WAS: variants seen among roughly 807,000 people sequenced by gnomAD.
WAS encodes the protein actin nucleation-promoting factor WAS.
In WAS, 1 loss-of-function variant was observed where a neutral mutation model predicts 38.9. The ratio of observed to expected loss-of-function variants is 0.03; its 90% CI spans 0.01 to 0.12. WAS has a LOEUF of 0.12. WAS is among the 10% of genes least tolerant of loss of function. The pLI is 1.00. For missense variants in WAS, 311 were observed against 431.2 expected (o/e 0.72, Z 2.47); for synonymous variants, 182 against 173.6 (o/e 1.05, Z -0.38).
upstream of WAS, among the ~76,000 whole-genome samples, chrX:48,682,799 G>C (rs1183265064): frequency 9.2e-6 from 1 of 108,998 alleles, no homozygotes; most frequent in Non-Finnish European, 1.9e-5. Context: ...GGAGGCTGAG[G>C]CAGGAGAGTC....
At chrX:48,680,458 G>T (rs1384750399), upstream of WAS, among the ~76,000 whole-genome samples, 2 of 111,263 alleles carry the variant, frequency 1.8e-5, no homozygotes, top group Non-Finnish European at 3.8e-5. Flanking sequence ...TAGGAGGTCA[G>T]CACAAGATAC....
At chrX:48,683,515 A>G (rs782032826), upstream of WAS, among the ~76,000 whole-genome samples, 1 of 111,931 alleles carries the variant, frequency 8.9e-6, no homozygotes, top group Non-Finnish European at 1.9e-5. Context: ...GGAGCCCTGC[A>G]CACAGATGTG....
intron 7 of WAS, among the ~76,000 whole-genome samples, chrX:48,687,271 G>C (rs2062423186): frequency 1.8e-5 from 2 of 111,855 alleles, no homozygotes; most frequent in Admixed American, 9.4e-5. Context: ...ACTCTGGGTG[G>C]GCTGTTAGGA....
chrX:48,685,757 T>C lies in WAS; in HGVS notation c.384T>C (p.Phe128=), dbSNP rs1557006544. The C allele has an allele frequency of 8.5e-7, 1 of 1,180,795 alleles. No homozygotes were observed. Among genetic ancestry groups the C allele is most frequent in the Admixed American group, 2.4e-5 (1 of 41,133 alleles). The change falls in exon 4 of 12, where the codon TTT becomes TTC. Residue 128 remains phenylalanine, a synonymous_variant. Transcript: ENST00000376701. ...AGDDCQAGLN[F]ADEDEAQAFR... Reference sequence around the variant, plus strand: ...AGGACTGCCAAGCGGGGCTGAACTTTGCAGACGAGGACGAGGCCCAGGCCT... The same window carrying C: ...AGGACTGCCAAGCGGGGCTGAACTTCGCAGACGAGGACGAGGCCCAGGCCT...
chrX:48,682,918 A>G (rs1557006030), upstream of WAS, among the ~76,000 whole-genome samples: 1 of 108,941 alleles, frequency 9.2e-6, no homozygotes, highest in East Asian at 2.9e-4. Context: ...AAAAAAAAGT[A>G]TGACAAGCAG....
At chrX:48,679,199 CTT>C (rs1221565707), upstream of WAS, among the ~76,000 whole-genome samples, 8 of 109,572 alleles carry the variant, frequency 7.3e-5, no homozygotes, top group Non-Finnish European at 1.3e-4. Flanking sequence ...TTTTAAAAAA[CTT>C]TTTGTAGAGA....
At chrX:48,691,012 G>T in intron 11 of WAS, 95 bp from the exon 12 acceptor site, 1 of 793,961 alleles carries the variant, frequency 1.3e-6, no homozygotes, top group East Asian at 3.3e-5. Context: ...TCTAGCATGA[G>T]ACCTCAGAAC....
chrX:48,691,263 AC>A lies in WAS; in HGVS notation c.*107del. ...TCCACTCTCCTCTTCCAGGCCCCCA[AC>A]CCCCCATTTCTTCCCCACCAACCCC... On this transcript the variant is annotated 3_prime_UTR_variant, in exon 12 of 12. Transcript: ENST00000376701. 7.4e-6 allele frequency: 6 copies of A among 815,825 alleles called. No homozygotes were observed. The highest frequency in any genetic ancestry group is 1.1e-5 in the Non-Finnish European group (6 of 556,592). 67.2% of individuals were successfully genotyped at this position (815,825 alleles called of 1,213,427 possible).
upstream of WAS, among the ~76,000 whole-genome samples, chrX:48,680,264 C>A (rs1297380198): frequency 9.0e-6 from 1 of 111,534 alleles, no homozygotes; most frequent in Non-Finnish European, 1.9e-5. Context: ...GAAGATGAAT[C>A]TTCCTCCCTC....
intron 1 of WAS, 138 bp from the exon 2 acceptor site, chrX:48,684,145 T>C: frequency 2.7e-6 from 3 of 1,095,509 alleles, no homozygotes; most frequent in East Asian, 6.1e-5. Context: ...AAGATCTCAA[T>C]GTCTACTTGC....
chrX:48,682,903 AAG>A, upstream of WAS, among the ~76,000 whole-genome samples: 1 of 108,575 alleles, frequency 9.2e-6, no homozygotes, highest in Non-Finnish European at 1.9e-5. Flanking sequence ...CAAAAAAAAA[AAG>A]AAAAAAAAAA....
At chrX:48,690,899 G>A (rs186835743) in intron 11 of WAS, among the ~76,000 whole-genome samples, 2 of 110,813 alleles carry the variant, frequency 1.8e-5, no homozygotes, top group Non-Finnish European at 3.8e-5. Context: ...ACAATATCTC[G>A]ACTAACCACA....
upstream of WAS, chrX:48,683,161 T>G (rs2062407090): frequency 9.0e-6 from 1 of 111,398 alleles, no homozygotes; most frequent in South Asian, 3.7e-4. Flanking sequence ...CTCAGCTCAC[T>G]GCAACCTCCG....
At chrX:48,678,657 A>G (rs1344918260) in intron 1 of WAS, among the ~76,000 whole-genome samples, 1 of 110,920 alleles carries the variant, frequency 9.0e-6, no homozygotes, top group Non-Finnish European at 1.9e-5. Context: ...TCTCCTGCTG[A>G]GAGCAACCAG....
Position 48,689,670 on chromosome X carries a change from AT to A in WAS, c.1453+237del, listed in dbSNP as rs1407714077. ...ACATTAATGCCAGGGTGTGTCCACA[AT>A]ATTAATGTCATTCCCACATGTTCAG... On this transcript the variant is annotated intron_variant, in intron 11 of 11. Transcript: ENST00000376701. 1.5e-5 allele frequency: 6 copies of A among 410,574 alleles called. No homozygotes were observed. In the East Asian group the frequency reaches 2.5e-4, roughly 17 times the overall value. The allele number at this position is 410,574 out of a possible 1,213,427, so 33.8% of individuals were successfully genotyped here.
At chrX:48,682,948 G>A (rs1320106960), upstream of WAS, among the ~76,000 whole-genome samples, 12 of 110,540 alleles carry the variant, frequency 1.1e-4, no homozygotes, top group African/African-American at 3.6e-4. Context: ...TGGGAGCTGC[G>A]GGGAGGCAAG....
Position 48,684,372 on chromosome X carries a change from C to T in WAS, c.222C>T (p.Phe74=), listed in dbSNP as rs2062412659. Residue 74 remains phenylalanine (F), a synonymous_variant, in exon 2 of 12, where the codon TTC becomes TTT. Transcript: ENST00000376701. ...AGGAGCATTGTGGGGCTGTGTGCTT[C>T]GTGAAGGATAACCCCCAGAAGTCCT... The part of the protein sequence containing the change: ...WTKEHCGAVC[F]VKDNPQKSYF... 4 of 1,211,557 alleles carry T rather than the reference C, an allele frequency of 3.3e-6. No homozygotes were observed. The highest frequency in any genetic ancestry group is 3.4e-6 in the Non-Finnish European group (3 of 895,452).
chrX:48,681,636 G>A (rs1276365894), upstream of WAS, among the ~76,000 whole-genome samples: 1 of 112,583 alleles, frequency 8.9e-6, no homozygotes, highest in Non-Finnish European at 1.9e-5. Flanking sequence ...CTGGAGATAC[G>A]CCTAGCACAC....
chrX:48,691,322 C>T lies in WAS; in HGVS notation c.*160C>T. 2.0e-6 allele frequency: 1 copy of T among 496,207 alleles called. No homozygotes were observed. 40.9% of individuals were successfully genotyped at this position (496,207 alleles called of 1,213,427 possible). A position where few individuals can be genotyped will look rare whatever the true frequency, so the allele number is the denominator to read the frequency against. ...CTGTTATCCCTGCCTGGTCCTCACA[C>T]TCACCCAACAATCCCAAGGCCCTTT... On this transcript the variant is annotated 3_prime_UTR_variant, in exon 12 of 12. Transcript: ENST00000376701.
Sources: gnomAD v4.1 joint callset for allele counts (sites outside exome capture counted in the v4.1 genomes callset) on GRCh38, gnomAD v4.1.1 for gene constraint, MANE v1.5 for transcripts, NCBI Gene and HGNC (gene_info 2026-07-23, HGNC 2026-07-21) for gene names.